The following MYLK variants were observed in gnomAD, a reference collection of about 807,000 sequenced individuals.
MYLK encodes myosin light chain kinase, smooth muscle.
A neutral mutation model predicts 203.4 loss-of-function variants in MYLK; 106 were observed. That is an observed-to-expected ratio of 0.52 (90% CI 0.45 to 0.61). The LOEUF (loss-of-function observed/expected upper bound fraction) is 0.61. Among genes scored for constraint, MYLK ranks in the 20% least tolerant of loss-of-function variants. The pLI is 0.00. For synonymous variants in MYLK, 867 were observed against 959.5 expected (o/e 0.90, Z 1.78); for missense variants, 2,072 against 2,442.3 (o/e 0.85, Z 3.20).
intron 19 of MYLK, among the ~76,000 whole-genome samples, chr3:123,684,906 C>T (rs1181794162): frequency 2.6e-5 from 4 of 152,200 alleles, no homozygotes; most frequent in African/African-American, 9.7e-5. Flanking sequence ...AGCACTCATT[C>T]TCCTGGTGAG....
intron 2 of MYLK, among the ~76,000 whole-genome samples, chr3:123,861,319 C>T (rs1413535884): frequency 1.3e-5 from 2 of 152,256 alleles, no homozygotes; most frequent in African/African-American, 2.4e-5. Context: ...CCAGCACCAT[C>T]GCTCACCAGC....
intron 20 of MYLK, among the ~76,000 whole-genome samples, chr3:123,677,085 T>C (rs2060094404): frequency 6.6e-6 from 1 of 152,064 alleles, no homozygotes; most frequent in Non-Finnish European, 1.5e-5. Context: ...TAAACCTGTA[T>C]GCTTAAGGCC....
intron 6 of MYLK, among the ~76,000 whole-genome samples, chr3:123,739,293 T>C (rs1051928636): frequency 1.3e-5 from 2 of 152,252 alleles, no homozygotes; most frequent in Non-Finnish European, 2.9e-5. Context: ...TAGCCTTCCT[T>C]GCAGTTAGGC....
chr3:123,744,409 A>C (rs1449847374), intron 5 of MYLK, among the ~76,000 whole-genome samples: 2 of 152,244 alleles, frequency 1.3e-5, no homozygotes, highest in Non-Finnish European at 2.9e-5. Context: ...ACAGGTCTAC[A>C]GTGGACACTA....
chr3:123,764,555 T>TGGGA (rs2063641816), intron 4 of MYLK, among the ~76,000 whole-genome samples: 1 of 152,064 alleles, frequency 6.6e-6, no homozygotes, highest in Non-Finnish European at 1.5e-5. Context: ...GGAAGGTAAG[T>TGGGA]TGGTTATTTT....
At chr3:123,705,574 C>A (rs533342025) in intron 16 of MYLK, among the ~76,000 whole-genome samples, 33 of 152,288 alleles carry the variant, frequency 2.2e-4, no homozygotes, top group Non-Finnish European at 2.2e-4. Flanking sequence ...TATTAAATGA[C>A]GATGAGGCTG....
At chr3:123,785,435 T>G (rs991233510) in intron 4 of MYLK, among the ~76,000 whole-genome samples, 5 of 152,222 alleles carry the variant, frequency 3.3e-5, no homozygotes, top group Non-Finnish European at 7.3e-5. Context: ...CCACGTGGAA[T>G]AGACACCTGT....
chr3:123,726,773 A>G (rs1211428161), intron 11 of MYLK, among the ~76,000 whole-genome samples: 2 of 152,172 alleles, frequency 1.3e-5, no homozygotes, highest in South Asian at 2.1e-4. Flanking sequence ...TACATCAGTG[A>G]ATTAGGGGAC....
Position 123,612,724 on chromosome 3 carries a change from T to C in MYLK, c.*1381A>G, listed in dbSNP as rs1039207964. 2 of 152,692 alleles carry C rather than the reference T, an allele frequency of 1.3e-5. No individual in the cohort carries two copies. The highest frequency in any genetic ancestry group is 2.1e-4 in the South Asian group (1 of 4,822). 9.5% of individuals were successfully genotyped at this position (152,692 alleles called of 1,614,324 possible). ...ATTCTAATGTTGATACTGTGTAGGATTGCACTGAAGTAATTTTAAATTGGT... is the reference window on the plus strand; with the variant it reads ...ATTCTAATGTTGATACTGTGTAGGACTGCACTGAAGTAATTTTAAATTGGT... On this transcript the variant is annotated 3_prime_UTR_variant, in exon 34 of 34. Coordinates refer to ENST00000360304, the MANE Select transcript of MYLK (RefSeq NM_053025.4).
intron 24 of MYLK, among the ~76,000 whole-genome samples, chr3:123,654,755 C>T (rs183883096): frequency 7.6e-6 from 1 of 131,168 alleles, no homozygotes; most frequent in East Asian, 2.2e-4. Context: ...CTCACTGTGT[C>T]ACCCAGGCTG....
At position 123,629,610 on chromosome 3, in the gene MYLK, G is replaced by C; in HGVS notation, c.4978C>G (p.Pro1660Ala). The C allele has an allele frequency of 6.2e-7, 1 of 1,613,952 alleles. No individual in the cohort carries two copies. The highest frequency in any genetic ancestry group is 8.5e-7 in the Non-Finnish European group (1 of 1,180,034). ...TCGTTATCGTTGTCTCCCATGAAGG[G>C]GGAAAGGCCACTGACTCTGGAGAGA... The part of the protein sequence containing the change: ...ICYILVSGLS[P>A]FMGDNDNETL... The change falls in exon 30 of 34, where the codon CCC becomes GCC. Residue 1660 changes from proline to alanine, a missense_variant. By Grantham distance (27) the Pro-to-Ala change is conservative. Transcript: ENST00000360304. This position sits in a 1 kb window ranked among gnomAD's most constrained non-coding sequence, Gnocchi z 4.4.
rs2065358424 is a variant in MYLK at position 123,806,134 on chromosome 3, C to T, written c.-3-12290G>A. Among the ~76,000 whole-genome samples, 9 of 152,218 alleles carry T rather than the reference C, an allele frequency of 5.9e-5. No individual in the cohort carries two copies. In the South Asian group the frequency reaches 1.7e-3, roughly 28 times the overall value. ...TTAAAGTGCTTTTTTAAATCAATTA[C>T]TTATAATTGTTGGACAATATGCATT... On this transcript the variant is annotated intron_variant, in intron 3 of 33. Coordinates refer to ENST00000360304, the MANE Select transcript of MYLK (RefSeq NM_053025.4).
chr3:123,670,769 T>G (rs148721522), intron 20 of MYLK, among the ~76,000 whole-genome samples: 1 of 152,304 alleles, frequency 6.6e-6, no homozygotes, highest in African/African-American at 2.4e-5. Context: ...AATTAAAAAT[T>G]TGATTCCTTG....
At chr3:123,767,771 G>A (rs2063753272) in intron 4 of MYLK, among the ~76,000 whole-genome samples, 1 of 152,236 alleles carries the variant, frequency 6.6e-6, no homozygotes, top group Non-Finnish European at 1.5e-5. Context: ...GAAGTGACAG[G>A]AAGTACTTGC....
At chr3:123,633,604 G>A (rs1259003650) in intron 29 of MYLK, among the ~76,000 whole-genome samples, 2 of 152,204 alleles carry the variant, frequency 1.3e-5, no homozygotes, top group Non-Finnish European at 2.9e-5. Flanking sequence ...TTCACTGGAT[G>A]TATCAAGTAC....
intron 11 of MYLK, 66 bp downstream of exon 11, chr3:123,732,830 A>T (rs1390552501): frequency 5.4e-6 from 8 of 1,490,350 alleles, no homozygotes; most frequent in Non-Finnish European, 7.5e-6. Flanking sequence ...CATCTGCAGA[A>T]GGTGAAGCAC....
chr3:123,884,157 G>A (rs957429364), intron 1 of MYLK, 49 bp downstream of exon 1: 3 of 151,408 alleles, frequency 2.0e-5, no homozygotes, highest in African/African-American at 7.3e-5. Flanking sequence ...TCGGAGCCTT[G>A]ACTTCCAGGG....
chr3:123,709,833 G>A lies in MYLK; in HGVS notation c.1865C>T (p.Ala622Val), dbSNP rs748628438. ...AGAGAGGCCCTGCAGGAAGATGGGT[G>A]CAGTGGGCTTGCTGGGAGCCACAGG... ...LLPVAPSKPT[A>V]PIFLQGLSDL... Residue 622 changes from alanine (A) to valine (V), a missense_variant, in exon 14 of 34, where the codon GCA (alanine) becomes GTA (valine). Physicochemically the swap from Ala to Val is moderately conservative, Grantham distance 64. This residue lies in a region of MYLK where 865 missense variants were observed against 1,016.0 expected (regional missense o/e 0.85). Transcript: ENST00000360304. 6.2e-6 allele frequency: 10 copies of A among 1,614,222 alleles called. No homozygotes were observed. The highest frequency in any genetic ancestry group is 8.5e-6 in the Non-Finnish European group (10 of 1,180,044).
chr3:123,718,674 A>G (rs1418244634), intron 13 of MYLK, among the ~76,000 whole-genome samples: 1 of 151,908 alleles, frequency 6.6e-6, no homozygotes, highest in Non-Finnish European at 1.5e-5. Flanking sequence ...AGCACTAAAG[A>G]TACACCCTCT....
Sources: allele counts gnomAD v4.1 joint callset (sites outside exome capture counted in the v4.1 genomes callset), GRCh38; gene constraint gnomAD v4.1.1; regional missense constraint gnomAD v4.1.1; non-coding constraint Gnocchi (gnomAD v3.1); transcripts MANE v1.5; gene names NCBI Gene and HGNC (gene_info 2026-07-23, HGNC 2026-07-21).